The following DTNB variants were observed in gnomAD, a reference collection of about 807,000 sequenced individuals.
The protein encoded by DTNB is dystrobrevin beta, also known as DTN-B.
In DTNB, 63 loss-of-function variants were observed where a neutral mutation model predicts 90.7. The observed-to-expected ratio is 0.69, with a 90% CI of 0.57 to 0.86. DTNB has a LOEUF of 0.86. Ranked by LOEUF, DTNB falls within the 40% of genes least tolerant of loss-of-function variation. DTNB has a pLI of 0.00. For missense variants in DTNB, 744 were observed against 807.1 expected, an observed-to-expected ratio of 0.92 and a Z score of 0.95; for synonymous variants, 277 against 286.7, an observed-to-expected ratio of 0.97 and a Z score of 0.34.
chr2:25,547,831 A>G (rs1215835109), intron 8 of DTNB, among the ~76,000 whole-genome samples: 6 of 152,096 alleles, frequency 3.9e-5, no homozygotes, highest in Non-Finnish European at 5.9e-5. Flanking sequence ...TCTCATTCTA[A>G]TATTTTTAAC....
intron 3 of DTNB, among the ~76,000 whole-genome samples, chr2:25,634,813 A>T (rs2076780005): frequency 8.9e-6 from 1 of 112,600 alleles, no homozygotes; most frequent in Non-Finnish European, 2.1e-5. Context: ...TAAATGGATT[A>T]AGGGCGGTGC....
At chr2:25,433,363 T>C (rs1305396151) in intron 13 of DTNB, among the ~76,000 whole-genome samples, 5 of 152,132 alleles carry the variant, frequency 3.3e-5, no homozygotes, top group Non-Finnish European at 5.9e-5. Context: ...CCCTTAATCC[T>C]TCCCTGCCCC....
chr2:25,497,332 C>T (rs948481491), intron 9 of DTNB: 1 of 152,250 alleles, frequency 6.6e-6, no homozygotes, highest in African/African-American at 2.4e-5. Context: ...TGCTGCAAAT[C>T]CATAGCCTAA....
rs1448644395 is a variant in DTNB, at chr2:25,388,235, C to A, written c.1702G>T (p.Val568Phe). 6.3e-7 allele frequency: 1 copy of A among 1,598,720 alleles called. No homozygotes were observed. The highest frequency in any genetic ancestry group is 1.7e-5 in the Admixed American group (1 of 57,150). The change falls in exon 17 of 21, where the codon GTC becomes TTC. Residue 568 changes from valine (V) to phenylalanine (F), a missense_variant. Val to Phe is a conservative substitution (Grantham distance 50, BLOSUM62 -1). Coordinates refer to ENST00000406818, the MANE Select transcript of DTNB (RefSeq NM_021907.5). ...THCPQDSLSG[V>F]GGDVQEAFAQ... ...AAGGCCTCCTGCACGTCTCCCCCGACTCCGCTCAGCGAGTCCTGCGGACAG... is the reference window on the plus strand; with the variant it reads ...AAGGCCTCCTGCACGTCTCCCCCGAATCCGCTCAGCGAGTCCTGCGGACAG...
intron 19 of DTNB, among the ~76,000 whole-genome samples, chr2:25,382,186 C>T (rs1401717419): frequency 6.6e-6 from 1 of 152,218 alleles, no homozygotes; most frequent in African/African-American, 2.4e-5. Flanking sequence ...GCTCTCCCTA[C>T]CTTCACCTCC....
At chr2:25,554,068 G>T (rs1420417298) in intron 8 of DTNB, among the ~76,000 whole-genome samples, 1 of 151,958 alleles carries the variant, frequency 6.6e-6, no homozygotes, top group Non-Finnish European at 1.5e-5. Flanking sequence ...GGCTAAGAAG[G>T]GTATCCTTGA....
At chr2:25,533,946 TTA>T (rs1241436301) in intron 8 of DTNB, among the ~76,000 whole-genome samples, 1 of 149,712 alleles carries the variant, frequency 6.7e-6, no homozygotes, top group Non-Finnish European at 1.5e-5. Context: ...TTATTTTTAT[TTA>T]TTTATTTATT....
intron 10 of DTNB, among the ~76,000 whole-genome samples, chr2:25,475,337 G>A (rs1342908483): frequency 3.9e-5 from 6 of 152,330 alleles, no homozygotes; most frequent in East Asian, 1.9e-4. Context: ...CAAATCAGCC[G>A]CAACATTCCC....
At chr2:25,510,967 C>T (rs766292397) in intron 9 of DTNB, among the ~76,000 whole-genome samples, 2 of 152,114 alleles carry the variant, frequency 1.3e-5, no homozygotes, top group Non-Finnish European at 2.9e-5. Context: ...TGAAAGTGGG[C>T]CTGTGGTTAG....
At chr2:25,485,303 C>T (rs937681011) in intron 9 of DTNB, among the ~76,000 whole-genome samples, 5 of 152,130 alleles carry the variant, frequency 3.3e-5, no homozygotes, top group African/African-American at 7.2e-5. Context: ...CCACCATTCC[C>T]GGCCACCTGC....
chr2:25,446,673 T>C (rs1288779221), intron 12 of DTNB, among the ~76,000 whole-genome samples: 4 of 152,200 alleles, frequency 2.6e-5, no homozygotes, highest in African/African-American at 9.7e-5. Context: ...TTTCTGAGGA[T>C]TCTATCTTTG....
At chr2:25,600,368 T>C (rs2065614625) in intron 5 of DTNB, among the ~76,000 whole-genome samples, 1 of 152,244 alleles carries the variant, frequency 6.6e-6, no homozygotes, top group African/African-American at 2.4e-5. Flanking sequence ...TCTTTCTTCC[T>C]TCTGCCTGGA....
chr2:25,379,413 C>T (rs1210731347), intron 19 of DTNB, 90 bp from the exon 20 acceptor site: 7 of 1,268,380 alleles, frequency 5.5e-6, no homozygotes, highest in Admixed American at 3.8e-5. Flanking sequence ...CCCTGACCAA[C>T]CCACCCCAGG....
chr2:25,381,182 GGCATGTGCATGT>G (rs759424836), intron 19 of DTNB, among the ~76,000 whole-genome samples: 77 of 152,122 alleles, frequency 5.1e-4, no homozygotes, highest in Non-Finnish European at 9.6e-4. Context: ...GGATTTGGTT[GGCATGTGCATGT>G]GCATGTGCGT....
chr2:25,532,089 A>G (rs753836345), intron 8 of DTNB, among the ~76,000 whole-genome samples: 2 of 152,074 alleles, frequency 1.3e-5, no homozygotes, highest in African/African-American at 4.8e-5. Flanking sequence ...TCTACTAAAA[A>G]TACAAAATTA....
At chr2:25,637,482 A>G (rs1316947166) in intron 3 of DTNB, among the ~76,000 whole-genome samples, 1 of 152,232 alleles carries the variant, frequency 6.6e-6, no homozygotes, top group African/African-American at 2.4e-5. Context: ...TAATATCCAG[A>G]ATCTACAAAG....
intron 16 of DTNB, among the ~76,000 whole-genome samples, chr2:25,416,691 C>T (rs938872633): frequency 2.0e-5 from 3 of 151,920 alleles, no homozygotes; most frequent in African/African-American, 7.3e-5. Flanking sequence ...ATTTTCCCTA[C>T]CTGCAAGCTA....
intron 9 of DTNB, among the ~76,000 whole-genome samples, chr2:25,505,202 T>C (rs1194956921): frequency 6.6e-6 from 1 of 152,154 alleles, no homozygotes; most frequent in Non-Finnish European, 1.5e-5. Flanking sequence ...ACCCCACCTG[T>C]CTGCATTGGA....
chr2:25,534,486 C>T (rs1575473324), intron 8 of DTNB, among the ~76,000 whole-genome samples: 2 of 152,172 alleles, frequency 1.3e-5, no homozygotes, highest in South Asian at 4.1e-4. Context: ...CCGCCATCGT[C>T]GTCATGGCCT....
Sources: gnomAD v4.1 joint callset for allele counts (sites outside exome capture counted in the v4.1 genomes callset) on GRCh38, gnomAD v4.1.1 for gene constraint, MANE v1.5 for transcripts, NCBI Gene and HGNC (gene_info 2026-07-23, HGNC 2026-07-21) for gene names.